Variants in EXOC4 observed in about 807,000 individuals in gnomAD.
EXOC4 encodes the protein exocyst complex component 4, also known as SEC8-like 1.
EXOC4 carries 71 observed loss-of-function variants against 107.2 expected under a neutral mutation model. The observed-to-expected ratio is 0.66, with a 90% CI of 0.55 to 0.81. The LOEUF (loss-of-function observed/expected upper bound fraction) is 0.81, where lower values mean the gene tolerates loss of function less well. Among genes scored for constraint, EXOC4 ranks in the 30% least tolerant of loss-of-function variants. EXOC4 has a pLI of 0.00. For synonymous variants in EXOC4, 456 were observed against 441.2 expected (o/e 1.03, Z -0.42); for missense variants, 1,108 against 1,189.6 (o/e 0.93, Z 1.01).
chr7:133,960,575 A>G (rs1250306606), intron 14 of EXOC4, among the ~76,000 whole-genome samples: 1 of 152,254 alleles, frequency 6.6e-6, no homozygotes, highest in Non-Finnish European at 1.5e-5. Context: ...CCACATAAAC[A>G]GAATTAAAAA....
chr7:133,937,955 CA>C lies in EXOC4; in HGVS notation c.2094del (p.Asp699ThrfsTer84). On this transcript the variant is annotated frameshift_variant, in exon 14 of 18. Transcript: ENST00000253861. LOFTEE classifies it high-confidence loss of function. ...GNLGDKLIPP[Q>X]DILRDVSDLK... ...CCTGGGTGATAAATTAATCCCTCCA[CA>C]AGACATCCTTCGTGACGTCAGTGAC... The C allele has an allele frequency of 3.7e-6, 6 of 1,614,164 alleles. No individual in the cohort carries two copies. Among genetic ancestry groups the C allele is most frequent in the Non-Finnish European group, 5.1e-6 (6 of 1,180,006 alleles).
At chr7:133,467,780 A>G (rs763636741) in intron 7 of EXOC4, among the ~76,000 whole-genome samples, 1 of 151,698 alleles carries the variant, frequency 6.6e-6, no homozygotes, top group Non-Finnish European at 1.5e-5. Context: ...TTGTTTTCAC[A>G]CATTCTAAGA....
chr7:133,411,667 G>GT (rs897816439), intron 7 of EXOC4, among the ~76,000 whole-genome samples: 10 of 151,308 alleles, frequency 6.6e-5, no homozygotes, highest in African/African-American at 9.7e-5. Flanking sequence ...AAGTAGGACA[G>GT]TTTTTTTTTA....
chr7:134,070,082 C>T (rs978479714), downstream of EXOC4, among the ~76,000 whole-genome samples: 1 of 152,178 alleles, frequency 6.6e-6, no homozygotes, highest in Admixed American at 6.5e-5. Context: ...GAAATACCTA[C>T]ACCTGAGAGC....
chr7:133,670,684 G>A (rs551054082), intron 10 of EXOC4, among the ~76,000 whole-genome samples: 2 of 152,262 alleles, frequency 1.3e-5, no homozygotes, highest in South Asian at 4.1e-4. Flanking sequence ...GACAGTATTT[G>A]CCTGACTGAG....
rs144961800 is a variant in EXOC4, at chr7:133,485,886, T to C, written c.1417+5748T>C. 3.0e-4 allele frequency among the ~76,000 whole-genome samples: 46 copies of C among 152,292 alleles called. 1 individual carries two copies. The East Asian group carries it at 8.7e-3, about 29-fold the overall frequency. On this transcript the variant is annotated intron_variant, in intron 9 of 17. Transcript: ENST00000253861. ...TCATTTTTAAGGATAATAAAACTCATGAATGAGTAAGAGTATATTAATTGC... is the reference window on the plus strand; with the variant it reads ...TCATTTTTAAGGATAATAAAACTCACGAATGAGTAAGAGTATATTAATTGC...
At chr7:133,312,371 T>C (rs1469337889) in intron 4 of EXOC4, among the ~76,000 whole-genome samples, 4 of 152,174 alleles carry the variant, frequency 2.6e-5, no homozygotes, top group Admixed American at 6.6e-5. Context: ...TAAATATTTG[T>C]ATGTGTATAG....
intron 12 of EXOC4, 133 bp downstream of exon 12, chr7:133,895,868 A>C: frequency 1.1e-6 from 1 of 928,610 alleles, no homozygotes; most frequent in Non-Finnish European, 1.6e-6. Flanking sequence ...AACATGCATC[A>C]TGGAAATAGC....
chr7:134,048,073 T>C (rs915232558), intron 17 of EXOC4, among the ~76,000 whole-genome samples: 14 of 152,222 alleles, frequency 9.2e-5, no homozygotes, highest in African/African-American at 3.4e-4. Flanking sequence ...GAAGCTGTTC[T>C]CTTGCACTGA....
intron 3 of EXOC4, among the ~76,000 whole-genome samples, chr7:133,291,893 C>T (rs1220953808): frequency 2.6e-5 from 4 of 152,130 alleles, no homozygotes; most frequent in Admixed American, 1.3e-4. Context: ...TTTGGTCACA[C>T]AGCAACTTAT....
intron 13 of EXOC4, among the ~76,000 whole-genome samples, chr7:133,931,714 G>C (rs933579716): frequency 1.3e-5 from 2 of 152,162 alleles, no homozygotes; most frequent in Non-Finnish European, 2.9e-5. Context: ...CACACACCTT[G>C]ACCTGTGATT....
chr7:133,866,525 A>T (rs1392120812), intron 11 of EXOC4, among the ~76,000 whole-genome samples: 1 of 152,176 alleles, frequency 6.6e-6, no homozygotes, highest in African/African-American at 2.4e-5. Flanking sequence ...CCTGTTTTGG[A>T]TAAGGGGTAG....
chr7:133,854,733 C>T (rs968788677), intron 11 of EXOC4, among the ~76,000 whole-genome samples: 9 of 150,998 alleles, frequency 6.0e-5, no homozygotes, highest in Admixed American at 6.6e-5. Context: ...GCCCTACCTT[C>T]AAATAGTCCC....
At chr7:134,048,382 T>A (rs1795704894) in intron 17 of EXOC4, among the ~76,000 whole-genome samples, 1 of 152,212 alleles carries the variant, frequency 6.6e-6, no homozygotes, top group Non-Finnish European at 1.5e-5. Flanking sequence ...CATCAAAGTT[T>A]AACTATAAGC....
chr7:133,971,345 T>TATATATAC (rs1801219569), intron 14 of EXOC4, among the ~76,000 whole-genome samples: 1 of 94,554 alleles, frequency 1.1e-5, no homozygotes, highest in Non-Finnish European at 2.0e-5. Flanking sequence ...TATATATATA[T>TATATATAC]ATATATATAT....
At chr7:133,288,843 G>C in intron 2 of EXOC4, 79 bp from the exon 3 acceptor site, 1 of 1,195,728 alleles carries the variant, frequency 8.4e-7, no homozygotes, top group Non-Finnish European at 1.2e-6. Flanking sequence ...AGTAGTACCA[G>C]TGAAGACTAC....
intron 11 of EXOC4, among the ~76,000 whole-genome samples, chr7:133,825,086 A>G (rs1270366086): frequency 6.6e-6 from 1 of 151,890 alleles, no homozygotes; most frequent in Non-Finnish European, 1.5e-5. Context: ...TGGGTGGTAC[A>G]CACCTGTAAT....
At chr7:133,769,811 C>T (rs1796209722) in intron 10 of EXOC4, among the ~76,000 whole-genome samples, 1 of 151,804 alleles carries the variant, frequency 6.6e-6, no homozygotes, top group South Asian at 2.1e-4. Flanking sequence ...GAATTAGCTT[C>T]CAGGTTTGGA....
chr7:133,495,857 T>A (rs565772656), intron 9 of EXOC4, among the ~76,000 whole-genome samples: 1 of 152,304 alleles, frequency 6.6e-6, no homozygotes, highest in African/African-American at 2.4e-5. Flanking sequence ...AACATAGGCA[T>A]GTGTTTGGCT....
Sources: gnomAD v4.1 joint callset for allele counts (sites outside exome capture counted in the v4.1 genomes callset) on GRCh38, gnomAD v4.1.1 for gene constraint, MANE v1.5 for transcripts, NCBI Gene and HGNC (gene_info 2026-07-23, HGNC 2026-07-21) for gene names.